Variants in SYTL2 observed in about 807,000 individuals in gnomAD.
SYTL2 encodes synaptotagmin like 2, also known as synaptotagmin-like protein 2.
SYTL2 carries 165 observed loss-of-function variants against 198.7 expected under a neutral mutation model. The observed-to-expected ratio is 0.83, with a 90% confidence interval of 0.73 to 0.94. The LOEUF (loss-of-function observed/expected upper bound fraction) is 0.94, where lower values mean the gene tolerates loss of function less well. Ranked by LOEUF, SYTL2 falls within the 40% of genes least tolerant of loss-of-function variation. The pLI, the probability that SYTL2 is intolerant of heterozygous loss-of-function variation, is 0.00. For missense variants in SYTL2, 2,835 were observed against 2,582.8 expected, an observed-to-expected ratio of 1.10 and a Z score of -2.12; for synonymous variants, 966 against 917.7, an observed-to-expected ratio of 1.05 and a Z score of -0.95.
the SYTL2 span, among the ~76,000 whole-genome samples, chr11:85,825,999 A>T: frequency 6.6e-6 from 1 of 152,202 alleles, no homozygotes; most frequent in African/African-American, 2.4e-5. Flanking sequence ...GTGTACTAAT[A>T]AGTGAAAAAC....
chr11:85,711,418 A>G (rs567494883), intron 12 of SYTL2, among the ~76,000 whole-genome samples, 186 bp from the exon 13 acceptor site: 13 of 152,174 alleles, frequency 8.5e-5, no homozygotes, highest in Non-Finnish European at 1.9e-4. Context: ...ACCTCACCTA[A>G]GGAGGAAGGC....
intron 6 of SYTL2, among the ~76,000 whole-genome samples, chr11:85,735,511 C>G (rs1591812522): frequency 6.6e-6 from 1 of 152,192 alleles, no homozygotes; most frequent in Non-Finnish European, 1.5e-5. Context: ...AATCCCAGCA[C>G]TTTGGGAAGC....
rs1034531409 is a variant in SYTL2, at chr11:85,719,047, C to T, written c.5429-204G>A. On this transcript the variant is annotated intron_variant, in intron 9 of 19. Transcript: ENST00000359152. ...CATAGCGGGAGCTCCCATTTCAGCCCGGATGCAGCTCACATCACTGCTGCA... is the reference window on the plus strand; with the variant it reads ...CATAGCGGGAGCTCCCATTTCAGCCTGGATGCAGCTCACATCACTGCTGCA... The T allele has an allele frequency of 7.3e-6, 11 of 1,515,982 alleles. No homozygotes were observed. In the Admixed American group the frequency reaches 1.4e-4, roughly 19 times the overall value. 93.9% of individuals were successfully genotyped at this position (1,515,982 alleles called of 1,614,324 possible).
At chr11:85,762,490 A>T (rs1288712936) in intron 1 of SYTL2, among the ~76,000 whole-genome samples, 3 of 152,188 alleles carry the variant, frequency 2.0e-5, no homozygotes, top group Non-Finnish European at 1.5e-5. Flanking sequence ...CAGGCTTAAA[A>T]TCCTTCACCA....
chr11:85,785,902 C>T (rs1190926491), intron 1 of SYTL2, among the ~76,000 whole-genome samples: 1 of 152,222 alleles, frequency 6.6e-6, no homozygotes. Context: ...ACTTCACGCT[C>T]TGCCTAAGGT....
chr11:85,722,264 C>T (rs990875278), intron 8 of SYTL2, among the ~76,000 whole-genome samples: 8 of 149,878 alleles, frequency 5.3e-5, no homozygotes, highest in African/African-American at 1.7e-4. Context: ...CTGCAAGCTC[C>T]GCCTCAGGGT....
chr11:85,723,094 T>C lies in SYTL2; in HGVS notation c.5326+938A>G, dbSNP rs574187418. Among the ~76,000 whole-genome samples the C allele has an allele frequency of 9.8e-5, 15 of 152,340 alleles. No homozygotes were observed. In the East Asian group the frequency reaches 2.9e-3, roughly 29 times the overall value. On this transcript the variant is annotated intron_variant, in intron 8 of 19. Coordinates refer to ENST00000359152, the MANE Select transcript of SYTL2 (RefSeq NM_206927.4). The stretch of plus-strand genomic sequence containing the variant: ...ATTCTCTATCATTTCATCATTTTAA[T>C]CAGGTAGCTTCTCATTCCTATTTGC...
At chr11:85,696,010 A>G (rs924669807) in intron 19 of SYTL2, among the ~76,000 whole-genome samples, 173 bp downstream of exon 19, 3 of 152,194 alleles carry the variant, frequency 2.0e-5, no homozygotes, top group African/African-American at 2.4e-5. Flanking sequence ...TCATATCTGG[A>G]GCCCTTGGCA....
At chr11:85,767,082 G>GC (rs1555255523) in intron 1 of SYTL2, among the ~76,000 whole-genome samples, 514 of 152,186 alleles carry the variant, frequency 3.4e-3, no homozygotes, top group African/African-American at 0.011. Flanking sequence ...ACAGCAATTA[G>GC]CAAAGTTAAA....
chr11:85,706,652 T>C (rs1487581715), intron 15 of SYTL2, among the ~76,000 whole-genome samples: 2 of 152,122 alleles, frequency 1.3e-5, no homozygotes, highest in Admixed American at 6.5e-5. Flanking sequence ...ACAAAGACTA[T>C]GAGAGAGGAA....
Position 85,745,773 on chromosome 11 carries a change from C to G in SYTL2, c.254-1G>C, listed in dbSNP as rs759712740. The G allele has an allele frequency of 6.2e-7, 1 of 1,608,662 alleles. No individual in the cohort carries two copies. The highest frequency in any genetic ancestry group is 2.2e-5 in the East Asian group (1 of 44,784). On this transcript the variant is annotated splice_acceptor_variant, in intron 3 of 19. Coordinates refer to ENST00000359152, the MANE Select transcript of SYTL2 (RefSeq NM_206927.4). LOFTEE classifies it high-confidence loss of function. ...TTTTCTCTGTCTTTACTCTGCTCAG[C>G]TGAAACAGGAAACAGTAAAGACAGG...
chr11:85,695,317 C>T lies in SYTL2; in HGVS notation c.6598G>A (p.Asp2200Asn), dbSNP rs927982066. Residue 2200 changes from aspartate to asparagine, a missense_variant, in exon 20 of 20, where the codon GAC becomes AAC. Physicochemically the swap from Asp to Asn is conservative, Grantham distance 23. Around this residue, in one of 3 missense-constraint regions of SYTL2, gnomAD observed 185 missense variants for 182.1 expected, o/e 1.02. Transcript: ENST00000359152. ...GTGKSYGTEV[D>N]WMDSTSEEVA... ...TCCTCTGAAGTAGAGTCCATCCAGTCCACTTCAGTCCCATAACTTTTACCT... is the reference window on the plus strand; with the variant it reads ...TCCTCTGAAGTAGAGTCCATCCAGTTCACTTCAGTCCCATAACTTTTACCT... 3 of 1,577,158 alleles carry T rather than the reference C, an allele frequency of 1.9e-6. No individual in the cohort carries two copies. The highest frequency in any genetic ancestry group is 1.4e-5 in the African/African-American group (1 of 73,404).
At chr11:85,833,158 A>G in the SYTL2 span, among the ~76,000 whole-genome samples, 3,580 of 82,228 alleles carry the variant, frequency 0.044, 342 homozygotes, top group African/African-American at 0.084. Context: ...AAGGAAGGAA[A>G]GAAAGAAAGA....
At chr11:85,699,573 G>C (rs1182344909) in intron 17 of SYTL2, among the ~76,000 whole-genome samples, 1 of 151,888 alleles carries the variant, frequency 6.6e-6, no homozygotes, top group East Asian at 1.9e-4. Context: ...TTCTTTTTTG[G>C]GGGGCGGGGG....
rs866367139 is a variant in SYTL2 at position 85,727,232 on chromosome 11, T to C, written c.2126A>G (p.His709Arg). The C allele has an allele frequency of 1.2e-5, 19 of 1,536,066 alleles. No homozygotes were observed. In the African/African-American group the frequency reaches 2.1e-4, roughly 17 times the overall value. Residue 709 changes from histidine (H) to arginine (R), a missense_variant, in exon 8 of 20, where the codon CAC (histidine) becomes CGC (arginine). Physicochemically the swap from His to Arg is conservative, Grantham distance 29. Coordinates refer to ENST00000359152, the MANE Select transcript of SYTL2 (RefSeq NM_206927.4). ...KFHAHEENRG[H>R]SEVNFDSSTV... ...TGAAGAGTCAAAATTCACTTCTGAG[T>C]GTCCTCTATTTTCTTCATGAGCATG...
chr11:85,814,439 G>A (rs2093059185), upstream of SYTL2, among the ~76,000 whole-genome samples: 1 of 152,234 alleles, frequency 6.6e-6, no homozygotes, highest in Admixed American at 6.5e-5. Flanking sequence ...ACTGGGACAG[G>A]AGTAGAAGTG....
intron 1 of SYTL2, among the ~76,000 whole-genome samples, chr11:85,772,356 G>A (rs1192645986): frequency 1.3e-5 from 2 of 152,212 alleles, no homozygotes; most frequent in Non-Finnish European, 2.9e-5. Context: ...TATTCTACTT[G>A]TAGAAAACAA....
intron 10 of SYTL2, 149 bp from the exon 11 acceptor site, chr11:85,717,679 T>A (rs1316796203): frequency 1.4e-6 from 1 of 715,360 alleles, no homozygotes; most frequent in Admixed American, 1.9e-5. Flanking sequence ...TTCCTCACTG[T>A]GACTCTTCTT....
chr11:85,823,172 C>T, the SYTL2 span, among the ~76,000 whole-genome samples: 6 of 152,350 alleles, frequency 3.9e-5, no homozygotes, highest in East Asian at 1.2e-3. Context: ...GAAACATTGT[C>T]TTTTTCATCA....
Sources: allele counts gnomAD v4.1 joint callset (sites outside exome capture counted in the v4.1 genomes callset), GRCh38; gene constraint gnomAD v4.1.1; regional missense constraint gnomAD v4.1.1; transcripts MANE v1.5; gene names NCBI Gene and HGNC (gene_info 2026-07-23, HGNC 2026-07-21).